Variants in DCHS2 observed in about 807,000 individuals in gnomAD.
DCHS2 encodes dachsous cadherin-related 2.
DCHS2 carries 142 observed loss-of-function variants against 182.4 expected under a neutral mutation model. That is an observed-to-expected ratio of 0.78 (90% CI 0.68 to 0.89). DCHS2 has a LOEUF of 0.89. Among genes scored for constraint, DCHS2 ranks in the 40% least tolerant of loss-of-function variants. DCHS2 has a pLI of 0.00. For synonymous variants in DCHS2, 1,740 were observed against 1,663.3 expected (o/e 1.05, Z -1.12); for missense variants, 4,319 against 4,198.6 (o/e 1.03, Z -0.79).
chr4:154,308,522 A>G (rs2111308150), intron 10 of DCHS2, among the ~76,000 whole-genome samples: 1 of 152,254 alleles, frequency 6.6e-6, no homozygotes, highest in Non-Finnish European at 1.5e-5. Context: ...TCATTTATGA[A>G]TGCACAGATA....
intron 3 of DCHS2, among the ~76,000 whole-genome samples, chr4:154,347,363 T>A (rs1210652104): frequency 2.0e-5 from 3 of 151,112 alleles, no homozygotes; most frequent in African/African-American, 7.4e-5. Flanking sequence ...GATTTTTGCA[T>A]CAGATACAGC....
chr4:154,241,270 T>A (rs1426878414), intron 17 of DCHS2, among the ~76,000 whole-genome samples: 3 of 152,162 alleles, frequency 2.0e-5, no homozygotes, highest in African/African-American at 7.2e-5. Context: ...GGCACTAATG[T>A]CCGAATTAGA....
At chr4:154,415,004 G>A (rs1732777410) in intron 1 of DCHS2, among the ~76,000 whole-genome samples, 1 of 152,152 alleles carries the variant, frequency 6.6e-6, no homozygotes, top group African/African-American at 2.4e-5. Flanking sequence ...GAGCTCATGT[G>A]GGTATGGCAA....
At position 154,329,693 on chromosome 4, in the gene DCHS2, C is replaced by T. The variant is rs1385723957; in HGVS notation, c.3748G>A (p.Val1250Met). The change falls in exon 6 of 20, where the codon GTG becomes ATG. Residue 1250 changes from valine to methionine, a missense_variant. By Grantham distance (21) the Val-to-Met change is conservative. Transcript: ENST00000357232. Reference sequence around the variant, plus strand: ...CCCCGGTGCTCACGATCCAGTGCCACCCAATTGATTAACTCTCCTGCAGAG... The same window carrying T: ...CCCCGGTGCTCACGATCCAGTGCCATCCAATTGATTAACTCTCCTGCAGAG... Reference protein sequence around the residue: ...NPNTGELINWVALDREHRGHH... With the variant: ...NPNTGELINWMALDREHRGHH... 6 of 1,611,806 alleles carry T rather than the reference C, an allele frequency of 3.7e-6. No individual in the cohort carries two copies. In the Admixed American group the frequency reaches 6.7e-5, roughly 18 times the overall value.
intron 1 of DCHS2, 130 bp from the exon 2 acceptor site, chr4:154,377,574 T>C: frequency 1.6e-6 from 1 of 638,186 alleles, no homozygotes; most frequent in East Asian, 2.9e-5. Context: ...AGGCTTTGGT[T>C]TCATATCTCT....
At chr4:154,391,707 G>T (rs575420259) in intron 1 of DCHS2, among the ~76,000 whole-genome samples, 1 of 152,200 alleles carries the variant, frequency 6.6e-6, no homozygotes, top group African/African-American at 2.4e-5. Context: ...CAATGTTTTG[G>T]GGGTTCTGTG....
At chr4:154,293,996 C>T (rs554690126) in intron 13 of DCHS2, among the ~76,000 whole-genome samples, 12 of 151,998 alleles carry the variant, frequency 7.9e-5, no homozygotes, top group Non-Finnish European at 1.3e-4. Flanking sequence ...CATATATATG[C>T]CTTTTGTTAT....
intron 12 of DCHS2, 116 bp from the exon 13 acceptor site, chr4:154,298,824 A>T: frequency 1.5e-6 from 2 of 1,374,732 alleles, no homozygotes; most frequent in Non-Finnish European, 1.9e-6. Flanking sequence ...TCCCGATTAT[A>T]TTGTATCCTA....
chr4:154,373,261 T>C (rs886584628), intron 2 of DCHS2, among the ~76,000 whole-genome samples: 1 of 152,192 alleles, frequency 6.6e-6, no homozygotes, highest in Non-Finnish European at 1.5e-5. Flanking sequence ...TTTTTGACTA[T>C]GCATTTCTGA....
chr4:154,331,349 G>A (rs1254708848), intron 5 of DCHS2, among the ~76,000 whole-genome samples: 1 of 152,076 alleles, frequency 6.6e-6, no homozygotes, highest in African/African-American at 2.4e-5. Context: ...AGATCACGGG[G>A]GAATCAACTG....
intron 1 of DCHS2, among the ~76,000 whole-genome samples, chr4:154,424,657 G>A (rs904371308): frequency 5.3e-5 from 8 of 152,172 alleles, no homozygotes; most frequent in African/African-American, 1.9e-4. Context: ...CACTGACACT[G>A]GAGGTTCTAA....
chr4:154,420,268 G>C (rs943862465), intron 1 of DCHS2, among the ~76,000 whole-genome samples: 1 of 151,780 alleles, frequency 6.6e-6, no homozygotes, highest in Non-Finnish European at 1.5e-5. Context: ...TAGATAGATA[G>C]ATAGATAGAT....
chr4:154,313,503 T>A (rs1041468948), intron 10 of DCHS2, among the ~76,000 whole-genome samples: 47 of 152,200 alleles, frequency 3.1e-4, no homozygotes, highest in East Asian at 7.7e-4. Flanking sequence ...GGTATTTTTT[T>A]AAAAAAATAC....
intron 10 of DCHS2, among the ~76,000 whole-genome samples, chr4:154,312,594 TG>T (rs2111318141): frequency 1.3e-5 from 2 of 152,280 alleles, no homozygotes; most frequent in East Asian, 3.9e-4. Context: ...ATCAGGGATA[TG>T]TTCTCTTTAA....
intron 2 of DCHS2, among the ~76,000 whole-genome samples, chr4:154,372,592 A>G (rs779410860): frequency 6.6e-6 from 1 of 152,232 alleles, no homozygotes; most frequent in Non-Finnish European, 1.5e-5. Context: ...TAATAAGCAC[A>G]TACACCAAAA....
At position 154,298,487 on chromosome 4, in the gene DCHS2, T is replaced by C. The variant is rs1300096090; in HGVS notation, c.5827A>G (p.Arg1943Gly). Reference protein sequence around the residue: ...FPTLYYQSSVREDAEVGTVVL... With the variant: ...FPTLYYQSSVGEDAEVGTVVL... The stretch of plus-strand genomic sequence containing the variant: ...ACTGTTCCCACTTCAGCATCTTCTC[T>C]CACAGAGGACTGGTAATAAAGTGTG... Residue 1943 changes from arginine to glycine, a missense_variant, in exon 13 of 20, where the codon AGA becomes GGA. Transcript: ENST00000357232. 6.2e-7 allele frequency: 1 copy of C among 1,614,104 alleles called. No individual in the cohort carries two copies. The highest frequency in any genetic ancestry group is 8.5e-7 in the Non-Finnish European group (1 of 1,179,984).
intron 13 of DCHS2, among the ~76,000 whole-genome samples, chr4:154,270,259 C>G (rs1270905771): frequency 6.6e-6 from 1 of 152,038 alleles, no homozygotes; most frequent in African/African-American, 2.4e-5. Context: ...AGACAATAAA[C>G]CATTAAAACA....
In DCHS2 at chr4:154,349,856, A is replaced by C. The variant is rs1729527710; in HGVS notation, c.2477-14752T>G. Among the ~76,000 whole-genome samples the C allele has an allele frequency of 2.0e-5, 3 of 152,258 alleles. No homozygotes were observed. The South Asian group carries it at 6.2e-4, about 32-fold the overall frequency. Reference sequence around the variant, plus strand: ...CTTATTTTGGAGTTTTAGAAAAATAAAAGTTAGAAAATGCATAGCTAGTTC... The same window carrying C: ...CTTATTTTGGAGTTTTAGAAAAATACAAGTTAGAAAATGCATAGCTAGTTC... On this transcript the variant is annotated intron_variant, in intron 3 of 19. Coordinates refer to ENST00000357232, the MANE Select transcript of DCHS2 (RefSeq NM_001358235.2).
chr4:154,303,545 C>G (rs565534917), intron 12 of DCHS2, among the ~76,000 whole-genome samples: 1 of 147,844 alleles, frequency 6.8e-6, no homozygotes, highest in East Asian at 2.0e-4. Context: ...GGACCCAGAC[C>G]ATGATGGGGG....
Sources: gnomAD v4.1 joint callset for allele counts (sites outside exome capture counted in the v4.1 genomes callset) on GRCh38, gnomAD v4.1.1 for gene constraint, MANE v1.5 for transcripts, NCBI Gene and HGNC (gene_info 2026-07-23, HGNC 2026-07-21) for gene names.